Variants in TAF1B observed in about 807,000 individuals in gnomAD.
TAF1B encodes the protein TATA box-binding protein-associated factor RNA polymerase I subunit B.
In TAF1B, 61 loss-of-function variants were observed where a neutral mutation model predicts 83.9. The observed-to-expected ratio is 0.73, with a 90% CI of 0.59 to 0.90. The LOEUF (loss-of-function observed/expected upper bound fraction) is 0.90, where lower values mean the gene tolerates loss of function less well. TAF1B is among the 40% of genes least tolerant of loss of function. TAF1B has a pLI of 0.00. For missense variants in TAF1B, 625 were observed against 677.0 expected, an observed-to-expected ratio of 0.92 and a Z score of 0.85; for synonymous variants, 221 against 224.6, an observed-to-expected ratio of 0.98 and a Z score of 0.14.
intron 14 of TAF1B, among the ~76,000 whole-genome samples, chr2:9,926,893 C>T (rs1666058930): frequency 6.7e-6 from 1 of 149,882 alleles, no homozygotes. Flanking sequence ...TATATATATA[C>T]TTTAAGTTCT....
At chr2:9,922,516 AT>A (rs984940491) in intron 14 of TAF1B, among the ~76,000 whole-genome samples, 6 of 151,680 alleles carry the variant, frequency 4.0e-5, no homozygotes, top group African/African-American at 1.5e-4. Context: ...CCTTGGAGAG[AT>A]TTTTCTCAGC....
chr2:9,928,056 G>A (rs994168801), intron 14 of TAF1B, among the ~76,000 whole-genome samples: 3 of 152,112 alleles, frequency 2.0e-5, no homozygotes, highest in South Asian at 2.1e-4. Context: ...TGTAAGGAAG[G>A]GATCCAGTTT....
chr2:9,915,968 C>G (rs1429472389), intron 12 of TAF1B, among the ~76,000 whole-genome samples: 1 of 152,168 alleles, frequency 6.6e-6, no homozygotes, highest in Admixed American at 6.5e-5. Context: ...GTGAAAGACT[C>G]AAAAGGTTAC....
intron 8 of TAF1B, among the ~76,000 whole-genome samples, chr2:9,894,961 G>A (rs1157237813): frequency 6.6e-6 from 1 of 152,164 alleles, no homozygotes; most frequent in African/African-American, 2.4e-5. Flanking sequence ...ATATTAAGGA[G>A]GACTCCAATA....
In TAF1B at chr2:9,934,049, T is replaced by C; in HGVS notation, c.*65T>C. 1.5e-6 allele frequency: 2 copies of C among 1,294,830 alleles called. No homozygotes were observed. The highest frequency in any genetic ancestry group is 2.1e-6 in the Non-Finnish European group (2 of 944,522). The allele number at this position is 1,294,830 out of a possible 1,614,324, so 80.2% of individuals were successfully genotyped here. On this transcript the variant is annotated 3_prime_UTR_variant, in exon 15 of 15. Transcript: ENST00000263663. ...GTGATAATAACATCAGATTTTAATATAACATTCCAGAGAATTGTGGAAAAT... is the reference window on the plus strand; with the variant it reads ...GTGATAATAACATCAGATTTTAATACAACATTCCAGAGAATTGTGGAAAAT...
chr2:9,870,113 T>TA (rs1035667709), intron 6 of TAF1B, among the ~76,000 whole-genome samples: 1 of 152,056 alleles, frequency 6.6e-6, no homozygotes, highest in Non-Finnish European at 1.5e-5. Context: ...TAATAATAAA[T>TA]AAATTTTTAA....
chr2:9,934,155 G>C lies in TAF1B; in HGVS notation c.*171G>C, dbSNP rs1666304627. The C allele has an allele frequency of 1.8e-6, 1 of 552,192 alleles. No individual in the cohort carries two copies. Among genetic ancestry groups the C allele is most frequent in the Non-Finnish European group, 3.1e-6 (1 of 320,664 alleles). The allele number at this position is 552,192 out of a possible 1,614,324, so 34.2% of individuals were successfully genotyped here. ...TAGAAAAATGTATATTGTAAAGCAG[G>C]TGAGCTTCATTTGATTTTATTTTTC... On this transcript the variant is annotated 3_prime_UTR_variant, in exon 15 of 15. Coordinates refer to ENST00000263663, the MANE Select transcript of TAF1B (RefSeq NM_005680.3).
chr2:9,895,036 C>T (rs1234187643), intron 8 of TAF1B, among the ~76,000 whole-genome samples: 1 of 152,122 alleles, frequency 6.6e-6, no homozygotes, highest in Non-Finnish European at 1.5e-5. Flanking sequence ...TTGGCAAATC[C>T]TCATTGGTCA....
At chr2:9,917,801 G>A (rs925718141) in intron 12 of TAF1B, among the ~76,000 whole-genome samples, 5 of 151,572 alleles carry the variant, frequency 3.3e-5, no homozygotes, top group Admixed American at 2.6e-4. Flanking sequence ...GGCCGGGCGC[G>A]GTGGCTCACG....
intron 6 of TAF1B, among the ~76,000 whole-genome samples, chr2:9,870,459 C>T (rs1558241542): frequency 2.6e-5 from 4 of 152,118 alleles, no homozygotes; most frequent in Admixed American, 1.3e-4. Flanking sequence ...TGCACTCTAG[C>T]CCGGCCGACG....
At chr2:9,859,545 C>T (rs895746579) in intron 5 of TAF1B, among the ~76,000 whole-genome samples, 1 of 151,978 alleles carries the variant, frequency 6.6e-6, no homozygotes, top group Non-Finnish European at 1.5e-5. Context: ...TGCCACCATG[C>T]CCAACTACTT....
intron 8 of TAF1B, among the ~76,000 whole-genome samples, chr2:9,900,791 G>T (rs1385170845): frequency 6.6e-6 from 1 of 152,130 alleles, no homozygotes; most frequent in Non-Finnish European, 1.5e-5. Context: ...GACAGGGTAA[G>T]GAACACTGCT....
chr2:9,851,838 C>A (rs1663406411), intron 4 of TAF1B, 200 bp downstream of exon 4: 1 of 646,108 alleles, frequency 1.5e-6, no homozygotes, highest in East Asian at 2.9e-5. Flanking sequence ...AGCAATACAT[C>A]CAAAAGAAAA....
intron 12 of TAF1B, 127 bp from the exon 13 acceptor site, chr2:9,918,912 CAT>C (rs1665782655): frequency 2.6e-6 from 2 of 773,082 alleles, no homozygotes; most frequent in African/African-American, 3.5e-5. Context: ...GCAATATAGA[CAT>C]GTGCCAGTAG....
chr2:9,848,298 C>T (rs1407592581), intron 2 of TAF1B, among the ~76,000 whole-genome samples: 1 of 152,258 alleles, frequency 6.6e-6, no homozygotes, highest in South Asian at 2.1e-4. Flanking sequence ...AAATTTCATT[C>T]CAAATCTCTA....
At position 9,920,221 on chromosome 2, in the gene TAF1B, T is replaced by C. The variant is rs114852601; in HGVS notation, c.1565+401T>C. Among the ~76,000 whole-genome samples the C allele has an allele frequency of 3.8e-3, 580 of 152,314 alleles. 2 individuals carry two copies. Among genetic ancestry groups the C allele is most frequent in the African/African-American group, 0.013 (540 of 41,562 alleles). On this transcript the variant is annotated intron_variant, in intron 14 of 14. Coordinates refer to ENST00000263663, the MANE Select transcript of TAF1B (RefSeq NM_005680.3). ...CTCTTAAGTGACCACAGTACAGTTA[T>C]CAAACTCAGGAAACTTAATACTGAT...
chr2:9,925,509 C>T (rs1002032180), intron 14 of TAF1B, among the ~76,000 whole-genome samples: 3 of 152,014 alleles, frequency 2.0e-5, no homozygotes, highest in African/African-American at 4.8e-5. Context: ...GAGTAGTTAC[C>T]CATAGTCACA....
intron 14 of TAF1B, among the ~76,000 whole-genome samples, chr2:9,931,985 A>G (rs58979565): frequency 0.51 from 77,641 of 152,076 alleles, 22,904 homozygotes; most frequent in Non-Finnish European, 0.68. Flanking sequence ...CATGTGTCAC[A>G]TAGTTCTCAT....
At chr2:9,896,843 C>T (rs1229111506) in intron 8 of TAF1B, among the ~76,000 whole-genome samples, 2 of 152,086 alleles carry the variant, frequency 1.3e-5, no homozygotes, top group Non-Finnish European at 2.9e-5. Context: ...AGTCTTCCTG[C>T]CATTATCCTG....
Sources: allele counts gnomAD v4.1 joint callset (sites outside exome capture counted in the v4.1 genomes callset), GRCh38; gene constraint gnomAD v4.1.1; transcripts MANE v1.5; gene names NCBI Gene and HGNC (gene_info 2026-07-23, HGNC 2026-07-21).